Variants in FBXO31 observed in about 807,000 individuals in gnomAD.
FBXO31 encodes the protein F-box protein 31.
FBXO31 carries 24 observed loss-of-function variants against 54.4 expected under a neutral mutation model. The observed-to-expected ratio is 0.44, with a 90% CI of 0.32 to 0.62. The LOEUF (loss-of-function observed/expected upper bound fraction) is 0.62, where lower values mean the gene tolerates loss of function less well. Ranked by LOEUF, FBXO31 falls within the 20% of genes least tolerant of loss-of-function variation. The probability of loss-of-function intolerance (pLI) is 0.05; values close to 1 mark genes in which losing one functional copy is unlikely to be tolerated. For missense variants in FBXO31, 665 were observed against 787.1 expected, an observed-to-expected ratio of 0.84 and a Z score of 1.86; for synonymous variants, 388 against 335.6, an observed-to-expected ratio of 1.16 and a Z score of -1.71.
At chr16:87,374,645 T>C (rs563681954) in intron 1 of FBXO31, among the ~76,000 whole-genome samples, 2 of 152,310 alleles carry the variant, frequency 1.3e-5, no homozygotes, top group African/African-American at 4.8e-5. Context: ...CCACGTAACA[T>C]TAAAGTATTT....
At chr16:87,339,443 C>T (rs891754699) in intron 5 of FBXO31, among the ~76,000 whole-genome samples, 2 of 152,206 alleles carry the variant, frequency 1.3e-5, no homozygotes, top group South Asian at 2.1e-4. Flanking sequence ...TCAAGATGAA[C>T]GAAGTGACTG....
intron 1 of FBXO31, among the ~76,000 whole-genome samples, chr16:87,368,701 A>G (rs1326966639): frequency 6.6e-6 from 1 of 152,116 alleles, no homozygotes; most frequent in African/African-American, 2.4e-5. Flanking sequence ...AGAAAGAGGA[A>G]CAGATAACCT....
intron 4 of FBXO31, among the ~76,000 whole-genome samples, chr16:87,343,396 G>C (rs1303318759): frequency 6.6e-6 from 1 of 152,274 alleles, no homozygotes; most frequent in Non-Finnish European, 1.5e-5. Flanking sequence ...AGAATCAAGA[G>C]GGGTCCAGCA....
Position 87,358,668 on chromosome 16 carries a change from C to G in FBXO31, c.412+1627G>C, listed in dbSNP as rs1312589452. Among the ~76,000 whole-genome samples the G allele has an allele frequency of 6.6e-6, 1 of 152,182 alleles. No homozygotes were observed. Among genetic ancestry groups the G allele is most frequent in the African/African-American group, 2.4e-5 (1 of 41,442 alleles). ...GCTCTGAGAAACCTGCTGGAGAGAA[C>G]AACACTGTGACACGTTTTCCTTCCA... On this transcript the variant is annotated intron_variant, in intron 2 of 8. Coordinates refer to ENST00000311635, the MANE Select transcript of FBXO31 (RefSeq NM_024735.5). The surrounding 1 kb of genome is among the most constrained non-coding windows in gnomAD (Gnocchi z 4.0).
In FBXO31 at chr16:87,383,457, C is replaced by T. The variant is rs548186048; in HGVS notation, c.288G>A (p.Lys96=). ...DLPSLAQVCT[K]FRRILHTDTI... ...TGTCGGTGTGGAGGATGCGCCGGAA[C>T]TTCGTGCAGACCTGGGCCAAGCTGG... is the stretch of plus-strand genomic sequence containing the variant. The change falls in exon 1 of 9, where the codon AAG becomes AAA. Residue 96 remains lysine (K), a synonymous_variant. Transcript: ENST00000311635. The surrounding 1 kb of genome is among the most constrained non-coding windows in gnomAD (Gnocchi z 4.9). 222 of 1,591,488 alleles carry T rather than the reference C, an allele frequency of 1.4e-4. No individual in the cohort carries two copies. In the South Asian group the frequency reaches 2.3e-3, roughly 17 times the overall value.
rs994483208 is a variant in FBXO31, at chr16:87,331,051, C to T, written c.*237G>A. On this transcript the variant is annotated 3_prime_UTR_variant, in exon 9 of 9. Transcript: ENST00000311635. ...CCCCTACATCTGCTGTATTCAGGCT[C>T]GTTCTCTCTGTTTTTGGTAAGACAT... 2.1e-5 allele frequency: 11 copies of T among 513,922 alleles called. No homozygotes were observed. The highest frequency in any genetic ancestry group is 9.8e-5 in the Admixed American group (3 of 30,592). The allele number at this position is 513,922 out of a possible 1,614,324, so 31.8% of individuals were successfully genotyped here. A position where few individuals can be genotyped will look rare whatever the true frequency, so the allele number is the denominator to read the frequency against.
chr16:87,343,831 G>A lies in FBXO31; in HGVS notation c.490-66C>T, dbSNP rs546557486. On this transcript the variant is annotated intron_variant, in intron 3 of 8. Coordinates refer to ENST00000311635, the MANE Select transcript of FBXO31 (RefSeq NM_024735.5). ...GGCCAGAGCAAGGGCGGCCCCGCAC[G>A]GCTCCCCGCACTGCAATGGCACAGA... is the stretch of plus-strand genomic sequence containing the variant. 7.4e-4 allele frequency: 1,155 copies of A among 1,563,208 alleles called. 2 individuals carry two copies. The highest frequency in any genetic ancestry group is 9.8e-4 in the Non-Finnish European group (1,123 of 1,142,366).
At chr16:87,385,499 T>C (rs1413975830), upstream of FBXO31, among the ~76,000 whole-genome samples, 1 of 125,856 alleles carries the variant, frequency 7.9e-6, no homozygotes, top group Non-Finnish European at 2.1e-5. Context: ...CATCCTGCTA[T>C]CTACCAGGGA....
At chr16:87,384,867 A>C (rs1429670828), upstream of FBXO31, among the ~76,000 whole-genome samples, 1 of 152,178 alleles carries the variant, frequency 6.6e-6, no homozygotes, top group Non-Finnish European at 1.5e-5. Flanking sequence ...CTCCAAAACA[A>C]ACAAAAAACA....
rs568345675 is a variant in FBXO31 at position 87,353,623 on chromosome 16, C to T, written c.413-6373G>A. ...GGTAAGGAGGCTCCGCAAGAGCCTT[C>T]GGAGGCAGCAGGGCCCCGGACACCG... On this transcript the variant is annotated intron_variant, in intron 2 of 8. Transcript: ENST00000311635. Among the ~76,000 whole-genome samples the T allele has an allele frequency of 2.0e-3, 304 of 152,298 alleles. 1 individual carries two copies. The highest frequency in any genetic ancestry group is 6.9e-3 in the African/African-American group (287 of 41,548).
intron 1 of FBXO31, among the ~76,000 whole-genome samples, chr16:87,380,474 T>A (rs1481938404): frequency 6.6e-6 from 1 of 152,032 alleles, no homozygotes; most frequent in East Asian, 1.9e-4. Flanking sequence ...TGTTCACAGC[T>A]CACTGCAGCC....
At chr16:87,331,579 T>A (rs1904861606) in intron 8 of FBXO31, 69 bp from the exon 9 acceptor site, 2 of 1,305,130 alleles carry the variant, frequency 1.5e-6, no homozygotes, top group South Asian at 2.7e-5. Flanking sequence ...ACGTACAGCA[T>A]TCTGCGACCC....
upstream of FBXO31, among the ~76,000 whole-genome samples, chr16:87,391,238 C>G (rs554909308): frequency 6.6e-6 from 1 of 152,222 alleles, no homozygotes; most frequent in South Asian, 2.1e-4. Context: ...GCCCAGGCGA[C>G]CGAGGCCGCC....
chr16:87,343,160 T>G (rs1905245552), intron 4 of FBXO31, among the ~76,000 whole-genome samples: 1 of 152,180 alleles, frequency 6.6e-6, no homozygotes, highest in South Asian at 2.1e-4. Flanking sequence ...CAGTGGCACA[T>G]CTGAGAGAGT....
At position 87,335,856 on chromosome 16, in the gene FBXO31, AAC is replaced by A. The variant is rs1905031825; in HGVS notation, c.842+297_842+298del. Among the ~76,000 whole-genome samples, 1 of 152,112 alleles carries A rather than the reference AAC, an allele frequency of 6.6e-6. No individual in the cohort carries two copies. On this transcript the variant is annotated intron_variant, in intron 6 of 8. Transcript: ENST00000311635. The surrounding 1 kb of genome is among the most constrained non-coding windows in gnomAD (Gnocchi z 5.7). ...CAGGGGTGACAGGAAATCAGATAAA[AAC>A]AGACACCCGGGTGAAGGATGGGGTC... is the stretch of plus-strand genomic sequence containing the variant.
At position 87,329,575 on chromosome 16, in the gene FBXO31, AAG is replaced by A. The variant is rs1199223763; in HGVS notation, c.*1711_*1712del. On this transcript the variant is annotated 3_prime_UTR_variant, in exon 9 of 9. Transcript: ENST00000311635. ...TCACTCAGAGACTGCCTCATTTGGCAAGAGAGAAAAACAGTGACCACCACAGA... is the reference window on the plus strand; with the variant it reads ...TCACTCAGAGACTGCCTCATTTGGCAAGAGAAAAACAGTGACCACCACAGA... 1.2e-4 allele frequency: 19 copies of A among 152,404 alleles called. No homozygotes were observed. Among genetic ancestry groups the A allele is most frequent in the African/African-American group, 3.8e-4 (16 of 41,596 alleles). The allele number at this position is 152,404 out of a possible 1,614,324, so 9.4% of individuals were successfully genotyped here. A position where few individuals can be genotyped will look rare whatever the true frequency, so the allele number is the denominator to read the frequency against.
chr16:87,363,347 G>A (rs1242167353), intron 1 of FBXO31, among the ~76,000 whole-genome samples: 1 of 152,140 alleles, frequency 6.6e-6, no homozygotes, highest in African/African-American at 2.4e-5. Flanking sequence ...TCGCACCACT[G>A]CACTACAGCC....
At chr16:87,383,830 CAGAGCTCGCCACGCCCCCTGG>C, upstream of FBXO31, 1 of 978,268 alleles carries the variant, frequency 1.0e-6, no homozygotes, top group Non-Finnish European at 1.3e-6. This position sits in a 1 kb window ranked among gnomAD's most constrained non-coding sequence, Gnocchi z 4.9. Context: ...GCCCCCGCCG[CAGAGCTCGCCACGCCCCCTGG>C]AGAGCCTAGC....
intron 1 of FBXO31, among the ~76,000 whole-genome samples, chr16:87,361,678 C>A (rs1906139850): frequency 6.6e-6 from 1 of 152,226 alleles, no homozygotes; most frequent in Non-Finnish European, 1.5e-5. Flanking sequence ...CGCGCAGAGG[C>A]CTCATCCCTT....
Sources: gnomAD v4.1 joint callset for allele counts (sites outside exome capture counted in the v4.1 genomes callset) on GRCh38, gnomAD v4.1.1 for gene constraint, Gnocchi (gnomAD v3.1) non-coding constraint, MANE v1.5 for transcripts, NCBI Gene and HGNC (gene_info 2026-07-23, HGNC 2026-07-21) for gene names.